The following TNFAIP8 variants were observed in gnomAD, a reference collection of about 807,000 sequenced individuals.
The protein encoded by TNFAIP8 is TNF alpha induced protein 8.
TNFAIP8 carries 7 observed loss-of-function variants against 13.3 expected under a neutral mutation model. That is an observed-to-expected ratio of 0.52 (90% CI 0.30 to 0.99). TNFAIP8 has a LOEUF of 0.99. Ranked by LOEUF, TNFAIP8 falls within the 50% of genes least tolerant of loss-of-function variation. The pLI, the probability that TNFAIP8 is intolerant of heterozygous loss-of-function variation, is 0.07. For synonymous variants in TNFAIP8, 94 were observed against 87.6 expected (o/e 1.07, Z -0.41); for missense variants, 258 against 236.9 (o/e 1.09, Z -0.58).
At chr5:119,304,224 T>G (rs1246325052) in intron 1 of TNFAIP8, among the ~76,000 whole-genome samples, 1 of 152,142 alleles carries the variant, frequency 6.6e-6, no homozygotes, top group Non-Finnish European at 1.5e-5. Context: ...CCTCAAGTGA[T>G]CCTCCTGCCG....
intron 1 of TNFAIP8, among the ~76,000 whole-genome samples, chr5:119,311,317 C>T (rs1194606490): frequency 2.6e-5 from 4 of 151,518 alleles, no homozygotes; most frequent in Non-Finnish European, 5.9e-5. Flanking sequence ...AGTTACTGTG[C>T]CCGGCCTTGG....
At chr5:119,373,976 C>T (rs770948532) in intron 1 of TNFAIP8, among the ~76,000 whole-genome samples, 2 of 151,976 alleles carry the variant, frequency 1.3e-5, no homozygotes, top group Non-Finnish European at 2.9e-5. Context: ...TTTTTTTCCT[C>T]ATTGAATTAT....
At chr5:119,330,895 G>A (rs578199817) in intron 1 of TNFAIP8, among the ~76,000 whole-genome samples, 2 of 152,130 alleles carry the variant, frequency 1.3e-5, no homozygotes, top group African/African-American at 2.4e-5. Context: ...TCAGGGGCTG[G>A]GGGTTAGGGG....
At chr5:119,351,764 TTTTCTTTTC>T (rs969957716), upstream of TNFAIP8, among the ~76,000 whole-genome samples, 17 of 151,606 alleles carry the variant, frequency 1.1e-4, no homozygotes, top group African/African-American at 3.6e-4. Flanking sequence ...TCTTTTTTCT[TTTTCTTTTC>T]TTTCTTTTCT....
chr5:119,294,737 C>T (rs1316178599), intron 1 of TNFAIP8, among the ~76,000 whole-genome samples: 1 of 152,118 alleles, frequency 6.6e-6, no homozygotes, highest in African/African-American at 2.4e-5. Context: ...GCCATTCTAA[C>T]TGGTGTGAGA....
chr5:119,356,095 A>G lies in TNFAIP8; in HGVS notation c.5A>G (p.His2Arg), dbSNP rs376810561. Reference protein sequence around the residue: MHSEAEESKEVA... With the variant: MRSEAEESKEVA... Reference sequence around the variant, plus strand: ...GCAGCTGGTTATCCTGACATTATGCACTCCGAAGCAGAAGAATCCAAGGAA... The same window carrying G: ...GCAGCTGGTTATCCTGACATTATGCGCTCCGAAGCAGAAGAATCCAAGGAA... The change falls in exon 1 of 2, where the codon CAC (histidine) becomes CGC (arginine). Residue 2 changes from histidine to arginine, a missense_variant. Physicochemically the swap from His to Arg is conservative, Grantham distance 29. Coordinates refer to ENST00000504771, the MANE Select transcript of TNFAIP8 (RefSeq NM_014350.4). 25 of 1,586,422 alleles carry G rather than the reference A, an allele frequency of 1.6e-5. No individual in the cohort carries two copies. Among genetic ancestry groups the G allele is most frequent in the African/African-American group, 1.5e-4 (11 of 73,578 alleles).
At chr5:119,308,279 T>A (rs1749626036) in intron 1 of TNFAIP8, among the ~76,000 whole-genome samples, 1 of 152,200 alleles carries the variant, frequency 6.6e-6, no homozygotes, top group South Asian at 2.1e-4. Context: ...TAGGGGAATC[T>A]GTATCATTTC....
intron 1 of TNFAIP8, among the ~76,000 whole-genome samples, chr5:119,367,442 T>A (rs562630370): frequency 6.6e-6 from 1 of 152,366 alleles, no homozygotes; most frequent in African/African-American, 2.4e-5. Context: ...ACTAGAATAG[T>A]ATAGAACCTA....
intron 1 of TNFAIP8, among the ~76,000 whole-genome samples, chr5:119,320,156 A>G (rs1230219295): frequency 6.6e-6 from 1 of 152,108 alleles, no homozygotes; most frequent in African/African-American, 2.4e-5. Flanking sequence ...TTTAAGGTTG[A>G]TTTCAATCTA....
At chr5:119,331,566 C>G (rs1750381716) in intron 1 of TNFAIP8, among the ~76,000 whole-genome samples, 1 of 152,206 alleles carries the variant, frequency 6.6e-6, no homozygotes, top group South Asian at 2.1e-4. Context: ...GAGGTGCCCA[C>G]TGGATACATG....
intron 1 of TNFAIP8, among the ~76,000 whole-genome samples, chr5:119,335,116 C>A (rs941669196): frequency 1.3e-5 from 2 of 152,092 alleles, no homozygotes; most frequent in Non-Finnish European, 1.5e-5. Context: ...CTACTCTGTT[C>A]CTGGTAAATT....
At chr5:119,339,630 A>C (rs1406380952) in intron 1 of TNFAIP8, among the ~76,000 whole-genome samples, 2 of 152,146 alleles carry the variant, frequency 1.3e-5, no homozygotes, top group African/African-American at 4.8e-5. Context: ...ACTGCAGATC[A>C]CAAAGGGATT....
At chr5:119,289,240 T>C (rs1748910279) in intron 1 of TNFAIP8, among the ~76,000 whole-genome samples, 1 of 152,204 alleles carries the variant, frequency 6.6e-6, no homozygotes, top group Non-Finnish European at 1.5e-5. Flanking sequence ...GTGTTCCCAA[T>C]AGTGTGTATC....
intron 1 of TNFAIP8, among the ~76,000 whole-genome samples, chr5:119,388,333 CAACA>C (rs1752757115): frequency 6.6e-6 from 1 of 152,144 alleles, no homozygotes; most frequent in Non-Finnish European, 1.5e-5. Flanking sequence ...CCTTTTAATA[CAACA>C]AACAAAAACA....
At chr5:119,324,464 G>A (rs1581605054) in intron 1 of TNFAIP8, among the ~76,000 whole-genome samples, 2 of 152,040 alleles carry the variant, frequency 1.3e-5, no homozygotes, top group African/African-American at 2.4e-5. Flanking sequence ...TGAGTCACAG[G>A]GATAAGCAAA....
rs555648894 is a variant in TNFAIP8, at chr5:119,390,744, G to C, written c.32-2072G>C. 1.5e-3 allele frequency among the ~76,000 whole-genome samples: 231 copies of C among 152,224 alleles called. 5 individuals carry two copies. The South Asian group carries it at 0.046, about 30-fold the overall frequency. On this transcript the variant is annotated intron_variant, in intron 1 of 1. Transcript: ENST00000504771. ...GGTCATAAGGAACCATTTTGCAGCT[G>C]CCTCTACTATATACCACGAACTACT... is the stretch of plus-strand genomic sequence containing the variant.
intron 1 of TNFAIP8, among the ~76,000 whole-genome samples, chr5:119,303,767 T>C (rs114814118): frequency 0.016 from 2,391 of 152,308 alleles, 29 homozygotes; most frequent in Non-Finnish European, 0.026. Context: ...ATGGTTCCCC[T>C]TCCCAGTTCT....
intron 1 of TNFAIP8, among the ~76,000 whole-genome samples, chr5:119,335,989 G>C (rs1375472084): frequency 2.0e-5 from 3 of 152,034 alleles, no homozygotes; most frequent in Non-Finnish European, 4.4e-5. Flanking sequence ...GCCAGATGTG[G>C]ATATCCTGGG....
At chr5:119,309,102 G>T (rs1358408280) in intron 1 of TNFAIP8, among the ~76,000 whole-genome samples, 1 of 152,170 alleles carries the variant, frequency 6.6e-6, no homozygotes, top group Non-Finnish European at 1.5e-5. Flanking sequence ...AAAGATCAAA[G>T]ACCTTTACTG....
Sources: gnomAD v4.1 joint callset for allele counts (sites outside exome capture counted in the v4.1 genomes callset) on GRCh38, gnomAD v4.1.1 for gene constraint, MANE v1.5 for transcripts, NCBI Gene and HGNC (gene_info 2026-07-23, HGNC 2026-07-21) for gene names.